Variants in PTPRF observed in about 807,000 individuals in gnomAD.
The protein encoded by PTPRF is protein tyrosine phosphatase receptor type F, also known as receptor-type tyrosine-protein phosphatase F.
PTPRF carries 59 observed loss-of-function variants against 201.8 expected under a neutral mutation model. That is an observed-to-expected ratio of 0.29 (90% confidence interval 0.24 to 0.36). The LOEUF is 0.36. Ranked by LOEUF, PTPRF falls within the 10% of genes least tolerant of loss-of-function variation. The pLI is 1.00. For synonymous variants in PTPRF, 1,088 were observed against 1,089.7 expected, an observed-to-expected ratio of 1.00 and a Z score of 0.03; for missense variants, 2,132 against 2,690.5, an observed-to-expected ratio of 0.79 and a Z score of 4.59.
chr1:43,564,065 TG>T (rs1255654648), intron 5 of PTPRF, among the ~76,000 whole-genome samples: 1 of 152,204 alleles, frequency 6.6e-6, no homozygotes, highest in East Asian at 1.9e-4. Flanking sequence ...GCTTTTAAGA[TG>T]CCAAGTTTGA....
intron 5 of PTPRF, among the ~76,000 whole-genome samples, chr1:43,565,513 G>C (rs1394977873): frequency 6.6e-6 from 1 of 152,234 alleles, no homozygotes; most frequent in African/African-American, 2.4e-5. Flanking sequence ...ATCCGCAAAC[G>C]GTGTGGAGAC....
chr1:43,623,309 A>G lies in PTPRF; in HGVS notation c.*1306A>G, dbSNP rs549077723. ...TAAACCAATGTGGCAAGACTACTGG[A>G]CTTCTATCAATGGTACTCTAATCAG... On this transcript the variant is annotated 3_prime_UTR_variant, in exon 34 of 34. Transcript: ENST00000359947. 6.5e-6 allele frequency: 1 copy of G among 152,718 alleles called. No individual in the cohort carries two copies. The highest frequency in any genetic ancestry group is 2.4e-5 in the African/African-American group (1 of 41,550). The allele number at this position is 152,718 out of a possible 1,614,324, so 9.5% of individuals were successfully genotyped here.
intron 1 of PTPRF, among the ~76,000 whole-genome samples, chr1:43,536,787 G>A (rs145238670): frequency 3.4e-4 from 52 of 152,310 alleles, no homozygotes; most frequent in Non-Finnish European, 6.0e-4. Flanking sequence ...AGAGGGCTGC[G>A]GGTTCTGGTG....
At position 43,620,573 on chromosome 1, in the gene PTPRF, T is replaced by C. The variant is rs1381826772; in HGVS notation, c.5358T>C (p.Asp1786=). 1.2e-6 allele frequency: 2 copies of C among 1,613,792 alleles called. No individual in the cohort carries two copies. Residue 1786 remains aspartate, a synonymous_variant, in exon 31 of 34, where the codon GAT becomes GAC. Transcript: ENST00000359947. The part of the protein sequence containing the change: ...QYILREFKVT[D]ARDGQSRTIR... The stretch of plus-strand genomic sequence containing the variant: ...TCCTGCGTGAGTTCAAGGTCACGGA[T>C]GCCCGGGTGAGTGAGTGCATTGAGT...
chr1:43,618,885 T>C (rs1261680166), intron 26 of PTPRF, 136 bp downstream of exon 26: 10 of 1,445,742 alleles, frequency 6.9e-6, no homozygotes, highest in African/African-American at 1.4e-5. Context: ...AGTGATGTGA[T>C]GATCCATGTT....
At position 43,591,283 on chromosome 1, in the gene PTPRF, C is replaced by T; in HGVS notation, c.1261C>T (p.Gln421Ter). Residue 421 changes from glutamine to a stop codon, truncating the protein, a stop_gained, in exon 9 of 34, where the codon CAG becomes TAG. Coordinates refer to ENST00000359947, the MANE Select transcript of PTPRF (RefSeq NM_002840.5). LOFTEE classifies it high-confidence loss of function. ...QAPSSPPRRVQARMLSASTML... is the reference protein window; with the variant it reads ...QAPSSPPRRV ...GCCCTCCAGCCCACCGCGCCGCGTG[C>T]AGGCACGCATGCTGAGCGCCAGCAC... The T allele has an allele frequency of 6.4e-7, 1 of 1,556,180 alleles. No individual in the cohort carries two copies. The highest frequency in any genetic ancestry group is 8.7e-7 in the Non-Finnish European group (1 of 1,152,274).
chr1:43,538,706 G>A (rs2819331), intron 2 of PTPRF, among the ~76,000 whole-genome samples: 145,098 of 152,270 alleles, frequency 0.95, 69,494 homozygotes, highest in East Asian at 1. Context: ...TTCTCCATTC[G>A]CCACGTTTCT....
At chr1:43,608,238 G>C (rs891203743) in intron 21 of PTPRF, among the ~76,000 whole-genome samples, 1 of 152,182 alleles carries the variant, frequency 6.6e-6, no homozygotes, top group Non-Finnish European at 1.5e-5. Context: ...GGGCCTGCAG[G>C]GTCCCCATGT....
chr1:43,541,608 T>A (rs944391357), intron 2 of PTPRF, among the ~76,000 whole-genome samples: 2 of 152,146 alleles, frequency 1.3e-5, no homozygotes, highest in Admixed American at 1.3e-4. Context: ...AGTAAAGGCA[T>A]TATAAAAAAA....
intron 23 of PTPRF, among the ~76,000 whole-genome samples, chr1:43,614,676 C>G (rs1657291238): frequency 6.6e-6 from 1 of 152,116 alleles, no homozygotes; most frequent in African/African-American, 2.4e-5. Context: ...CGTGGCGAAA[C>G]TGCATCTCTA....
chr1:43,597,746 A>ACCCCCCCC lies in PTPRF; in HGVS notation c.1814-2_1814-1insCCCCCCCC. Reference sequence around the variant, plus strand: ...TGCTTCCCCCCCATTTGTCTTCCCCAGCCCCCTCCGCCCCTCCCCAGAAGG... The same window carrying ACCCCCCCC: ...TGCTTCCCCCCCATTTGTCTTCCCCACCCCCCCCGCCCCCTCCGCCCCTCCCCAGAAGG... On this transcript the variant is annotated splice_acceptor_variant, in intron 11 of 33. Transcript: ENST00000359947. LOFTEE classifies it high-confidence loss of function. The ACCCCCCCC allele has an allele frequency of 1.3e-6, 1 of 744,554 alleles. No individual in the cohort carries two copies. Among genetic ancestry groups the ACCCCCCCC allele is most frequent in the Non-Finnish European group, 1.8e-6 (1 of 548,228 alleles). The allele number at this position is 744,554 out of a possible 1,614,324, so 46.1% of individuals were successfully genotyped here. A position where few individuals can be genotyped will look rare whatever the true frequency, so the allele number is the denominator to read the frequency against.
intron 9 of PTPRF, 125 bp from the exon 10 acceptor site, chr1:43,591,687 G>T: frequency 6.9e-7 from 1 of 1,450,528 alleles, no homozygotes. Context: ...TTCCATAGAT[G>T]TGTGGTCAGT....
Position 43,578,906 on chromosome 1 carries a change from A to G in PTPRF, c.665A>G (p.Asn222Ser). The change falls in exon 7 of 34, where the codon AAC becomes AGC. Residue 222 changes from asparagine to serine, a missense_variant. Coordinates refer to ENST00000359947, the MANE Select transcript of PTPRF (RefSeq NM_002840.5). ...SAGTRYSAPANLYVRVRRVAP... is the reference protein window; with the variant it reads ...SAGTRYSAPASLYVRVRRVAP... The stretch of plus-strand genomic sequence containing the variant: ...GGCACACGTTACTCAGCCCCTGCGA[A>G]CCTGTATGTGCGAGGTAAGGACTCA... 1 of 1,614,188 alleles carries G rather than the reference A, an allele frequency of 6.2e-7. No homozygotes were observed. The highest frequency in any genetic ancestry group is 8.5e-7 in the Non-Finnish European group (1 of 1,180,018).
intron 7 of PTPRF, 119 bp downstream of exon 7, chr1:43,579,039 C>T (rs949183213): frequency 1.1e-6 from 1 of 886,344 alleles, no homozygotes. Context: ...CCAGTCTCTT[C>T]TCCTTCCTGC....
chr1:43,597,406 CCCTG>C (rs1318752384), intron 11 of PTPRF, among the ~76,000 whole-genome samples: 1 of 151,994 alleles, frequency 6.6e-6, no homozygotes, highest in East Asian at 1.9e-4. Flanking sequence ...GTATGAGACA[CCCTG>C]TGTGTGTGAC....
chr1:43,610,505 C>G (rs1656182869), intron 22 of PTPRF, among the ~76,000 whole-genome samples: 1 of 152,268 alleles, frequency 6.6e-6, no homozygotes, highest in Non-Finnish European at 1.5e-5. Context: ...GACTTGAAGG[C>G]TGGGAGCTAG....
At chr1:43,615,551 CTTT>C (rs68193223) in intron 23 of PTPRF, among the ~76,000 whole-genome samples, 1,032 of 83,814 alleles carry the variant, frequency 0.012, 2 homozygotes, top group African/African-American at 0.049. Context: ...GCTCTGTTGT[CTTT>C]TTTTTTTTTT....
intron 16 of PTPRF, 37 bp from the exon 17 acceptor site, chr1:43,604,866 A>G (rs747870418): frequency 2.5e-6 from 4 of 1,584,538 alleles, no homozygotes; most frequent in Non-Finnish European, 3.5e-6. Context: ...CCCACCTCAT[A>G]TACCCAGCAG....
chr1:43,604,848 C>T (rs1269735316), intron 16 of PTPRF, 55 bp from the exon 17 acceptor site: 2 of 1,474,612 alleles, frequency 1.4e-6, no homozygotes, highest in African/African-American at 2.8e-5. Flanking sequence ...CCCTTCCAGC[C>T]CATTCACCCC....
Sources: allele counts gnomAD v4.1 joint callset (sites outside exome capture counted in the v4.1 genomes callset), GRCh38; gene constraint gnomAD v4.1.1; transcripts MANE v1.5; gene names NCBI Gene and HGNC (gene_info 2026-07-23, HGNC 2026-07-21).